ZNF385D: variants seen among roughly 807,000 people sequenced by gnomAD.
The protein encoded by ZNF385D is zinc finger protein 659.
In ZNF385D, 15 loss-of-function variants were observed where a neutral mutation model predicts 35.8. The ratio of observed to expected loss-of-function variants is 0.42; its 90% CI spans 0.28 to 0.64. ZNF385D has a LOEUF of 0.64. ZNF385D is among the 30% of genes least tolerant of loss of function. The pLI, the probability that ZNF385D is intolerant of heterozygous loss-of-function variation, is 0.23. For missense variants in ZNF385D, 474 were observed against 494.6 expected (o/e 0.96, Z 0.39); for synonymous variants, 212 against 186.8 (o/e 1.13, Z -1.10).
intron 3 of ZNF385D, among the ~76,000 whole-genome samples, chr3:21,999,782 AAAT>A (rs1553716652): frequency 6.7e-6 from 1 of 149,228 alleles, no homozygotes; most frequent in Non-Finnish European, 1.5e-5. Context: ...AAAAAAAAAA[AAAT>A]AATAATAATG....
rs10627614 is a variant in ZNF385D at position 22,066,461 on chromosome 3, CGTGTGTGTGTGTGTGTGT to C, written c.325+102338_325+102355del. Among the ~76,000 whole-genome samples, 5 of 98,112 alleles carry C rather than the reference CGTGTGTGTGTGTGTGTGT, an allele frequency of 5.1e-5. No individual in the cohort carries two copies. In the East Asian group the frequency reaches 1.6e-3, roughly 30 times the overall value. 64.4% of individuals were successfully genotyped at this position (98,112 alleles called of 152,430 possible). A position where few individuals can be genotyped will look rare whatever the true frequency, so the allele number is the denominator to read the frequency against. Reference sequence around the variant, plus strand: ...AAAGATACTGGGTGAGATGGTTCCCCGTGTGTGTGTGTGTGTGTGTGTGTGTGTGTGTATGTCTGTAAG... The same window carrying C: ...AAAGATACTGGGTGAGATGGTTCCCCGTGTGTGTGTGTGTATGTCTGTAAG... On this transcript the variant is annotated intron_variant, in intron 3 of 5. Transcript: ENST00000494108.
intron 5 of ZNF385D, among the ~76,000 whole-genome samples, chr3:21,430,275 C>T (rs1701233071): frequency 1.3e-5 from 2 of 152,000 alleles, no homozygotes; most frequent in Admixed American, 1.3e-4. Flanking sequence ...CTGTTAGTTC[C>T]TTGGTTGAAA....
At position 21,759,408 on chromosome 3, in the gene ZNF385D, G is replaced by A. The variant is rs539813557; in HGVS notation, c.326-94380C>T. ...CTTCAAGCAATGTAAGGTTGGAGAA[G>A]AAAACACAGATGCCATATTGGATGA... On this transcript the variant is annotated intron_variant, in intron 3 of 5. Coordinates refer to the ZNF385D transcript ENST00000494108. Among the ~76,000 whole-genome samples the A allele has an allele frequency of 1.3e-4, 20 of 149,644 alleles. No individual in the cohort carries two copies. The East Asian group carries it at 3.7e-3, about 27-fold the overall frequency.
rs147308807 is a variant in ZNF385D, at chr3:21,852,171, T to C, written c.326-187143A>G. The stretch of plus-strand genomic sequence containing the variant: ...GTTTTTAGTTTTCGTTGTTAAACAA[T>C]TAAAAATTGCTCTGTTTTTCAATGT... On this transcript the variant is annotated intron_variant, in intron 3 of 5. Transcript: ENST00000494108. 7.4e-3 allele frequency among the ~76,000 whole-genome samples: 1,130 copies of C among 152,102 alleles called. 13 individuals are homozygous for C. Among genetic ancestry groups the C allele is most frequent in the African/African-American group, 0.026 (1,087 of 41,550 alleles).
At chr3:22,268,861 G>C (rs1701029808) in intron 2 of ZNF385D, among the ~76,000 whole-genome samples, 1 of 151,828 alleles carries the variant, frequency 6.6e-6, no homozygotes, top group Non-Finnish European at 1.5e-5. Context: ...AATTTTCTCA[G>C]TTTCCTTATC....
intron 3 of ZNF385D, among the ~76,000 whole-genome samples, chr3:21,766,968 G>T (rs764886166): frequency 6.6e-6 from 1 of 151,992 alleles, no homozygotes; most frequent in Admixed American, 6.6e-5. Context: ...TGAGCTCAAT[G>T]GCCATATTTA....
intron 3 of ZNF385D, among the ~76,000 whole-genome samples, chr3:21,525,615 C>T (rs995910585): frequency 2.9e-5 from 4 of 136,834 alleles, no homozygotes; most frequent in African/African-American, 5.5e-5. Context: ...ACCTGGGAGG[C>T]GGAGGTTGCA....
intron 3 of ZNF385D, among the ~76,000 whole-genome samples, chr3:21,531,378 C>T (rs559467494): frequency 1.3e-5 from 2 of 152,198 alleles, no homozygotes; most frequent in South Asian, 4.2e-4. Flanking sequence ...ATACTCTTAC[C>T]GTATAAGGCA....
rs78642993 is a variant in ZNF385D at position 22,206,826 on chromosome 3, C to T, written c.107-37791G>A. On this transcript the variant is annotated intron_variant, in intron 2 of 5. Coordinates refer to the ZNF385D transcript ENST00000494108. ...TGCCAACATCAGAAAAGCAGAAAAACTTCAAATATATAACCTGATAATGCA... is the reference window on the plus strand; with the variant it reads ...TGCCAACATCAGAAAAGCAGAAAAATTTCAAATATATAACCTGATAATGCA... Among the ~76,000 whole-genome samples the T allele has an allele frequency of 8.2e-4, 124 of 151,822 alleles. 1 individual carries two copies. In the East Asian group the frequency reaches 0.02, roughly 24 times the overall value.
intron 2 of ZNF385D, among the ~76,000 whole-genome samples, chr3:21,601,825 G>A (rs1369544214): frequency 6.6e-6 from 1 of 152,178 alleles, no homozygotes; most frequent in South Asian, 2.1e-4. Flanking sequence ...GTGGTGAGGT[G>A]CTCCAATTAA....
chr3:21,756,061 G>C (rs986000064), upstream of ZNF385D, among the ~76,000 whole-genome samples: 2 of 152,148 alleles, frequency 1.3e-5, no homozygotes, highest in Non-Finnish European at 2.9e-5. Context: ...TATAACTTTG[G>C]AGCAACGTGA....
At chr3:22,306,023 A>G (rs1442349334) in intron 2 of ZNF385D, among the ~76,000 whole-genome samples, 1 of 152,182 alleles carries the variant, frequency 6.6e-6, no homozygotes, top group East Asian at 1.9e-4. Context: ...TTGGAGGGCA[A>G]ATGCTGCCTA....
rs79665869 is a variant in ZNF385D, at chr3:21,748,257, G to C, written c.22+2638C>G. On this transcript the variant is annotated intron_variant, in intron 1 of 7. Transcript: ENST00000281523. Reference sequence around the variant, plus strand: ...CACTACAAACATGAGCTGTTCTTGAGATCTGAAAATATTACATCTTCCACC... The same window carrying C: ...CACTACAAACATGAGCTGTTCTTGACATCTGAAAATATTACATCTTCCACC... 1.8e-3 allele frequency among the ~76,000 whole-genome samples: 267 copies of C among 152,268 alleles called. 8 individuals are homozygous for C. The East Asian group carries it at 0.049, about 28-fold the overall frequency.
At chr3:21,663,706 C>A (rs1287238858) in intron 2 of ZNF385D, among the ~76,000 whole-genome samples, 1 of 151,196 alleles carries the variant, frequency 6.6e-6, no homozygotes, top group East Asian at 1.9e-4. Context: ...AAACGAGATT[C>A]GTATGGAAAA....
At chr3:22,182,973 GA>G (rs1203697815) in intron 2 of ZNF385D, among the ~76,000 whole-genome samples, 1 of 152,018 alleles carries the variant, frequency 6.6e-6, no homozygotes, top group South Asian at 2.1e-4. Flanking sequence ...ATAGATCTAA[GA>G]AAAAATGTGA....
chr3:22,369,531 A>G (rs753238713), intron 2 of ZNF385D, among the ~76,000 whole-genome samples: 2 of 152,194 alleles, frequency 1.3e-5, no homozygotes, highest in African/African-American at 2.4e-5. Flanking sequence ...TTTATTGGAA[A>G]CAGTAAGATA....
At chr3:21,974,430 G>T (rs1185938197) in intron 3 of ZNF385D, among the ~76,000 whole-genome samples, 1 of 151,960 alleles carries the variant, frequency 6.6e-6, no homozygotes, top group Non-Finnish European at 1.5e-5. Flanking sequence ...ATACCAAAAT[G>T]GATTAAACAC....
intron 3 of ZNF385D, among the ~76,000 whole-genome samples, chr3:21,960,947 GT>G (rs984483792): frequency 4.3e-4 from 66 of 152,182 alleles, no homozygotes; most frequent in Middle Eastern, 3.4e-3. Flanking sequence ...GGAAGATGTT[GT>G]TTAAAAGATA....
At chr3:22,170,877 A>G (rs144194649) in intron 2 of ZNF385D, among the ~76,000 whole-genome samples, 443 of 152,346 alleles carry the variant, frequency 2.9e-3, no homozygotes, top group Admixed American at 4.5e-3. Flanking sequence ...CACAATATGC[A>G]TAGCCATTAA....
Sources: allele counts gnomAD v4.1 joint callset (sites outside exome capture counted in the v4.1 genomes callset), GRCh38; gene constraint gnomAD v4.1.1; transcripts MANE v1.5; gene names NCBI Gene and HGNC (gene_info 2026-07-23, HGNC 2026-07-21).